CTNNA2: variants seen among roughly 807,000 people sequenced by gnomAD.
CTNNA2 encodes the protein catenin alpha 2, also known as catenin alpha-2.
Under a neutral mutation model 101.0 loss-of-function variants are expected in CTNNA2, and 42 were observed. That is an observed-to-expected ratio of 0.42 (90% CI 0.32 to 0.54). The LOEUF (loss-of-function observed/expected upper bound fraction) is 0.54, where lower values mean the gene tolerates loss of function less well. Ranked by LOEUF, CTNNA2 falls within the 20% of genes least tolerant of loss-of-function variation. CTNNA2 has a pLI of 0.14. For missense variants in CTNNA2, 871 were observed against 1,223.1 expected, an observed-to-expected ratio of 0.71 and a Z score of 4.29; for synonymous variants, 450 against 456.4, an observed-to-expected ratio of 0.99 and a Z score of 0.18.
intron 11 of CTNNA2, among the ~76,000 whole-genome samples, chr2:80,549,649 A>G (rs576034050): frequency 5.3e-5 from 8 of 152,176 alleles, no homozygotes; most frequent in African/African-American, 1.9e-4. Context: ...TTTGCCTTTT[A>G]TTACTATTTT....
At chr2:80,288,969 T>C (rs1308888793) in intron 7 of CTNNA2, 2 of 152,160 alleles carry the variant, frequency 1.3e-5, no homozygotes, top group African/African-American at 2.4e-5. Context: ...CCGACAGATA[T>C]GGGACCACAG....
chr2:80,162,672 C>A, intron 7 of CTNNA2: 1 of 1,612,734 alleles, frequency 6.2e-7, no homozygotes, highest in Non-Finnish European at 8.5e-7. Flanking sequence ...TGATGGTGTA[C>A]CTTGGCGCCA....
At chr2:79,401,558 G>C (rs1678290438) in intron 4 of CTNNA2, among the ~76,000 whole-genome samples, 1 of 150,794 alleles carries the variant, frequency 6.6e-6, no homozygotes, top group Admixed American at 6.6e-5. Context: ...CTTTAAATTA[G>C]ATGTTAATTA....
intron 7 of CTNNA2, among the ~76,000 whole-genome samples, chr2:80,103,246 C>G (rs1335241591): frequency 2.0e-5 from 3 of 152,272 alleles, no homozygotes; most frequent in Middle Eastern, 3.4e-3. Context: ...GTCAGAAAAT[C>G]TGGTTTCTGG....
intron 2 of CTNNA2, among the ~76,000 whole-genome samples, chr2:79,722,161 C>T (rs968909139): frequency 2.6e-5 from 4 of 152,184 alleles, no homozygotes; most frequent in Non-Finnish European, 5.9e-5. Flanking sequence ...CACTGTGGTT[C>T]ACGCTCTTTG....
intron 2 of CTNNA2, among the ~76,000 whole-genome samples, chr2:79,300,619 C>G (rs996315945): frequency 6.6e-6 from 1 of 152,100 alleles, no homozygotes; most frequent in South Asian, 2.1e-4. Context: ...CACCCAACCA[C>G]CTAAAACCTG....
At chr2:79,368,222 C>T (rs1328395080) in intron 3 of CTNNA2, among the ~76,000 whole-genome samples, 1 of 152,198 alleles carries the variant, frequency 6.6e-6, no homozygotes, top group Admixed American at 6.5e-5. Flanking sequence ...ACGTAAGACT[C>T]CTTTTGACAA....
intron 7 of CTNNA2, among the ~76,000 whole-genome samples, chr2:80,067,894 A>G (rs1415537040): frequency 6.6e-6 from 1 of 152,102 alleles, no homozygotes; most frequent in Non-Finnish European, 1.5e-5. Context: ...TTGGAAGTGG[A>G]TGCTCCAGCT....
Position 80,292,636 on chromosome 2 carries a change from T to C in CTNNA2, c.1057-100575T>C, listed in dbSNP as rs757646928. Among the ~76,000 whole-genome samples, 41 of 152,330 alleles carry C rather than the reference T, an allele frequency of 2.7e-4. 1 individual carries two copies. The South Asian group carries it at 5.8e-3, about 22-fold the overall frequency. Reference sequence around the variant, plus strand: ...AGAAGAAGTGGAGGCCTCTTCTGCATACTCTCATGGTGAGTCTGATAGGCC... The same window carrying C: ...AGAAGAAGTGGAGGCCTCTTCTGCACACTCTCATGGTGAGTCTGATAGGCC... On this transcript the variant is annotated intron_variant, in intron 7 of 18. Coordinates refer to ENST00000402739, the MANE Select transcript of CTNNA2 (RefSeq NM_001282597.3).
intron 7 of CTNNA2, among the ~76,000 whole-genome samples, chr2:80,179,607 T>C (rs1192558083): frequency 2.0e-5 from 3 of 152,152 alleles, no homozygotes; most frequent in African/African-American, 7.2e-5. Flanking sequence ...TCTCCTGACC[T>C]CGTGATCCGC....
intron 7 of CTNNA2, among the ~76,000 whole-genome samples, chr2:80,362,110 G>GT (rs980875288): frequency 6.6e-6 from 1 of 152,112 alleles, no homozygotes; most frequent in African/African-American, 2.4e-5. Flanking sequence ...ACATGAGGCA[G>GT]TTTTGCAATT....
intron 9 of CTNNA2, among the ~76,000 whole-genome samples, chr2:80,469,698 T>A (rs1685136135): frequency 1.3e-5 from 2 of 152,248 alleles, no homozygotes; most frequent in African/African-American, 2.4e-5. Context: ...ACCTTTGGGA[T>A]GGGCATAGAC....
At chr2:80,179,643 G>C (rs562202996) in intron 7 of CTNNA2, among the ~76,000 whole-genome samples, 3 of 152,182 alleles carry the variant, frequency 2.0e-5, no homozygotes. Flanking sequence ...AAAATGCTGG[G>C]ATTACAGGTG....
At chr2:80,514,388 G>A (rs1037808543) in intron 9 of CTNNA2, among the ~76,000 whole-genome samples, 32 of 152,122 alleles carry the variant, frequency 2.1e-4, no homozygotes, top group African/African-American at 7.0e-4. Context: ...GTGGACAGTG[G>A]GGTGTTATCA....
intron 2 of CTNNA2, among the ~76,000 whole-genome samples, chr2:79,689,558 A>G (rs1684153411): frequency 6.6e-6 from 1 of 152,064 alleles, no homozygotes; most frequent in South Asian, 2.1e-4. Context: ...TGCAGTTAAT[A>G]CACAGTGTAT....
intron 7 of CTNNA2, among the ~76,000 whole-genome samples, chr2:80,235,571 A>G (rs1482454446): frequency 1.3e-5 from 2 of 152,100 alleles, no homozygotes; most frequent in Non-Finnish European, 2.9e-5. Flanking sequence ...GGAAACAGAG[A>G]CTCACACAGG....
At chr2:79,602,105 G>A (rs538364272) in intron 1 of CTNNA2, among the ~76,000 whole-genome samples, 10 of 152,210 alleles carry the variant, frequency 6.6e-5, no homozygotes, top group East Asian at 1.9e-4. Context: ...CTTTTGCACC[G>A]TCTTAAAGTT....
At chr2:80,159,801 A>G (rs1007453398) in intron 7 of CTNNA2, among the ~76,000 whole-genome samples, 6 of 152,130 alleles carry the variant, frequency 3.9e-5, no homozygotes, top group Non-Finnish European at 8.8e-5. Flanking sequence ...TCCTCTTAAC[A>G]GGACCTTTCA....
chr2:80,167,468 T>C (rs1208522813), intron 7 of CTNNA2, among the ~76,000 whole-genome samples: 1 of 152,210 alleles, frequency 6.6e-6, no homozygotes, highest in Non-Finnish European at 1.5e-5. Flanking sequence ...CTAACAGTTA[T>C]GCAATCTTTG....
Sources: allele counts gnomAD v4.1 joint callset (sites outside exome capture counted in the v4.1 genomes callset), GRCh38; gene constraint gnomAD v4.1.1; transcripts MANE v1.5; gene names NCBI Gene and HGNC (gene_info 2026-07-23, HGNC 2026-07-21).